CLTCL1: variants seen among roughly 807,000 people sequenced by gnomAD.
CLTCL1 encodes clathrin heavy chain 2.
CLTCL1 carries 159 observed loss-of-function variants against 190.0 expected under a neutral mutation model. The ratio of observed to expected loss-of-function variants is 0.84; its 90% CI spans 0.74 to 0.95. The LOEUF (loss-of-function observed/expected upper bound fraction) is 0.95. Ranked by LOEUF, CLTCL1 falls within the 40% of genes least tolerant of loss-of-function variation. The probability of loss-of-function intolerance (pLI) is 0.00; values close to 1 mark genes in which losing one functional copy is unlikely to be tolerated. For synonymous variants in CLTCL1, 752 were observed against 769.6 expected, an observed-to-expected ratio of 0.98 and a Z score of 0.38; for missense variants, 1,878 against 2,033.4, an observed-to-expected ratio of 0.92 and a Z score of 1.47.
intron 30 of CLTCL1, chr22:19,181,930 C>T (rs1002698493): frequency 7.9e-5 from 12 of 152,242 alleles, no homozygotes; most frequent in Admixed American, 6.5e-4. Context: ...GGCTGTGCAG[C>T]CACAGTGTGG....
chr22:19,232,844 A>G (rs1555959733), intron 9 of CLTCL1: 3 of 591,258 alleles, frequency 5.1e-6, no homozygotes, highest in East Asian at 6.0e-5. Context: ...CTGTGTGCAA[A>G]CACAGCCTGC....
At chr22:19,244,300 T>A (rs1004929644) in intron 3 of CLTCL1, among the ~76,000 whole-genome samples, 1 of 152,222 alleles carries the variant, frequency 6.6e-6, no homozygotes, top group African/African-American at 2.4e-5. Flanking sequence ...ACCACATGGA[T>A]GAACCTTGAA....
chr22:19,180,654 G>T, intron 31 of CLTCL1, 77 bp downstream of exon 31: 1 of 1,449,698 alleles, frequency 6.9e-7, no homozygotes, highest in South Asian at 1.2e-5. Flanking sequence ...CCAAAGCCCA[G>T]CCAGGTAAGG....
At chr22:19,291,488 G>T in intron 1 of CLTCL1, 112 bp downstream of exon 1, 1 of 1,051,016 alleles carries the variant, frequency 9.5e-7, no homozygotes, top group Non-Finnish European at 1.2e-6. Flanking sequence ...GGAAATCGGC[G>T]CGGCCAGCTG....
intron 14 of CLTCL1, 148 bp downstream of exon 14, chr22:19,223,743 A>T: frequency 1.2e-6 from 1 of 827,352 alleles, no homozygotes; most frequent in Non-Finnish European, 1.9e-6. Flanking sequence ...TTAGAACTTT[A>T]AGCCATAAAG....
At chr22:19,185,483 C>T (rs907687457) in intron 29 of CLTCL1, among the ~76,000 whole-genome samples, 2 of 152,178 alleles carry the variant, frequency 1.3e-5, no homozygotes, top group East Asian at 3.9e-4. Context: ...CCTGCCACCA[C>T]GCCCAGCTAC....
intron 3 of CLTCL1, 103 bp downstream of exon 3, chr22:19,253,856 G>A (rs116930392): frequency 0.011 from 15,024 of 1,365,094 alleles, 251 homozygotes; most frequent in East Asian, 0.068. Context: ...ATGAGCCACC[G>A]CACCTGGCCC....
At chr22:19,194,919 C>T (rs560651613) in intron 26 of CLTCL1, among the ~76,000 whole-genome samples, 123 of 152,292 alleles carry the variant, frequency 8.1e-4, no homozygotes, top group African/African-American at 2.8e-3. Context: ...GTCTCCCACA[C>T]GGCAGGGTGT....
At chr22:19,180,003 C>T in intron 32 of CLTCL1, 34 bp from the exon 33 acceptor site, 1 of 600,852 alleles carries the variant, frequency 1.7e-6, no homozygotes, top group Non-Finnish European at 3.0e-6. Flanking sequence ...GAGCAGAGCT[C>T]TTCCTGCCCA....
chr22:19,196,225 G>A (rs781882719), intron 26 of CLTCL1, 41 bp downstream of exon 26: 22 of 1,592,010 alleles, frequency 1.4e-5, no homozygotes, highest in Non-Finnish European at 1.8e-5. Flanking sequence ...ATAGGGCCTG[G>A]CAGAGGCTGG....
chr22:19,254,647 ACTT>A (rs1443890134), intron 2 of CLTCL1, among the ~76,000 whole-genome samples: 1 of 152,170 alleles, frequency 6.6e-6, no homozygotes, highest in Non-Finnish European at 1.5e-5. Context: ...CATTAAACCA[ACTT>A]CTCCAAATTT....
intron 4 of CLTCL1, among the ~76,000 whole-genome samples, chr22:19,241,866 G>A (rs1171000265): frequency 2.0e-5 from 3 of 151,738 alleles, no homozygotes; most frequent in African/African-American, 7.3e-5. Flanking sequence ...GAAGAACCAT[G>A]CTAATGGCAA....
intron 22 of CLTCL1, among the ~76,000 whole-genome samples, chr22:19,207,010 A>ATTTTTTTTTTTTTTTTTTT: frequency 1.1e-5 from 1 of 92,784 alleles, no homozygotes; most frequent in Non-Finnish European, 2.0e-5. Flanking sequence ...TAAACTACTA[A>ATTTTTTTTTTTTTTTTTTT]TTTTTTTTTT....
chr22:19,264,971 T>C (rs1262948699), intron 2 of CLTCL1, among the ~76,000 whole-genome samples: 1 of 152,100 alleles, frequency 6.6e-6, no homozygotes, highest in East Asian at 1.9e-4. Context: ...GTATTTTTAG[T>C]AGAGACAGGG....
At chr22:19,224,623 G>A (rs1375847736) in intron 13 of CLTCL1, among the ~76,000 whole-genome samples, 4 of 152,152 alleles carry the variant, frequency 2.6e-5, no homozygotes, top group African/African-American at 9.7e-5. Flanking sequence ...CCCTGTCGAG[G>A]TCTTTCACTG....
chr22:19,203,188 G>C (rs1211472323), intron 22 of CLTCL1, among the ~76,000 whole-genome samples: 1 of 152,110 alleles, frequency 6.6e-6, no homozygotes, highest in Non-Finnish European at 1.5e-5. Context: ...GGTGGCGGGC[G>C]CCTGTAATCC....
chr22:19,258,062 G>A (rs375861831), intron 2 of CLTCL1: 94 of 453,778 alleles, frequency 2.1e-4, no homozygotes, highest in African/African-American at 1.7e-3. Flanking sequence ...TGTGAGGAGC[G>A]ACATCCATGG....
intron 4 of CLTCL1, among the ~76,000 whole-genome samples, chr22:19,239,759 C>A (rs546538620): frequency 1.3e-5 from 2 of 152,254 alleles, no homozygotes; most frequent in African/African-American, 2.4e-5. Flanking sequence ...TCATACAAGC[C>A]TGTTAGTGCA....
chr22:19,276,779 C>T (rs891240757), intron 1 of CLTCL1, among the ~76,000 whole-genome samples: 4 of 152,166 alleles, frequency 2.6e-5, no homozygotes, highest in African/African-American at 9.7e-5. Flanking sequence ...ACGCCATTCT[C>T]CTGCCTCAGC....
Sources: allele counts gnomAD v4.1 joint callset (sites outside exome capture counted in the v4.1 genomes callset), GRCh38; gene constraint gnomAD v4.1.1; transcripts MANE v1.5; gene names NCBI Gene and HGNC (gene_info 2026-07-23, HGNC 2026-07-21).